Variants in PDE7B observed in about 807,000 individuals in gnomAD.
The protein encoded by PDE7B is 3',5'-cyclic-AMP phosphodiesterase 7B.
A neutral mutation model predicts 56.2 loss-of-function variants in PDE7B; 29 were observed. The ratio of observed to expected loss-of-function variants is 0.52; its 90% CI spans 0.38 to 0.70. The LOEUF is 0.70. Among genes scored for constraint, PDE7B ranks in the 30% least tolerant of loss-of-function variants. The pLI is 0.00. For synonymous variants in PDE7B, 197 were observed against 196.9 expected, an observed-to-expected ratio of 1.00 and a Z score of 0.00; for missense variants, 490 against 565.0, an observed-to-expected ratio of 0.87 and a Z score of 1.35.
chr6:136,037,804 AC>A (rs1421576868), intron 2 of PDE7B: 1 of 985,324 alleles, frequency 1.0e-6, no homozygotes, highest in African/African-American at 1.7e-5. Context: ...GAGTCAACAA[AC>A]TTTGACAAGC....
intron 1 of PDE7B, among the ~76,000 whole-genome samples, chr6:135,932,697 A>G (rs1360921039): frequency 6.6e-6 from 1 of 152,240 alleles, no homozygotes; most frequent in African/African-American, 2.4e-5. Context: ...ACAAGGAAGC[A>G]GGTTCAGAAA....
Position 135,987,996 on chromosome 6 carries a change from C to T in PDE7B, c.82+40472C>T, listed in dbSNP as rs958498976. ...ATGCCTATCACATTTGTGAATTACA[C>T]AGAGCCCCAAGGGAGACTATGCCCT... On this transcript the variant is annotated intron_variant, in intron 2 of 12. Coordinates refer to ENST00000308191, the MANE Select transcript of PDE7B (RefSeq NM_018945.4). Among the ~76,000 whole-genome samples, 39 of 152,298 alleles carry T rather than the reference C, an allele frequency of 2.6e-4. 1 individual carries two copies. The highest frequency in any genetic ancestry group is 8.5e-4 in the Admixed American group (13 of 15,296).
At chr6:136,044,649 T>C (rs1053279301) in intron 2 of PDE7B, 2 of 152,236 alleles carry the variant, frequency 1.3e-5, no homozygotes, top group African/African-American at 4.8e-5. Flanking sequence ...AATCTACTGA[T>C]AATTACAAAA....
rs145587799 is a variant in PDE7B at position 136,130,707 on chromosome 6, G to A, written c.167-16644G>A. 5.3e-5 allele frequency among the ~76,000 whole-genome samples: 8 copies of A among 152,172 alleles called. No homozygotes were observed. In the East Asian group the frequency reaches 9.7e-4, roughly 18 times the overall value. On this transcript the variant is annotated intron_variant, in intron 3 of 12. Coordinates refer to ENST00000308191, the MANE Select transcript of PDE7B (RefSeq NM_018945.4). ...CACTTAAATCTTCTTGTATGAGTCC[G>A]TTTTCATGCTACTGATAAAGACATA...
chr6:135,914,448 T>C (rs1776261866), intron 1 of PDE7B, among the ~76,000 whole-genome samples: 1 of 150,112 alleles, frequency 6.7e-6, no homozygotes, highest in South Asian at 2.1e-4. Flanking sequence ...ATACAGCAGA[T>C]AGCTTTTTGG....
chr6:135,867,836 G>A (rs1775292817), intron 1 of PDE7B, among the ~76,000 whole-genome samples: 1 of 152,136 alleles, frequency 6.6e-6, no homozygotes, highest in Admixed American at 6.5e-5. Flanking sequence ...TCACAAACTG[G>A]AGCTGCAGAA....
At chr6:136,081,993 G>A (rs1408229186) in intron 2 of PDE7B, among the ~76,000 whole-genome samples, 1 of 152,212 alleles carries the variant, frequency 6.6e-6, no homozygotes, top group Non-Finnish European at 1.5e-5. Flanking sequence ...CACTGAGTCA[G>A]TCAGGGTAGG....
intron 3 of PDE7B, among the ~76,000 whole-genome samples, chr6:136,122,796 CA>C (rs1165260938): frequency 8.5e-5 from 13 of 152,138 alleles, no homozygotes; most frequent in African/African-American, 3.1e-4. Flanking sequence ...TAGAGAGGTT[CA>C]GTAGCTGTAT....
chr6:136,010,045 A>C (rs1775863865), intron 2 of PDE7B, among the ~76,000 whole-genome samples: 1 of 152,066 alleles, frequency 6.6e-6, no homozygotes, highest in South Asian at 2.1e-4. Context: ...TTAGGTTGTT[A>C]ATTTGAGATC....
At chr6:135,913,699 G>C (rs1776249362) in intron 1 of PDE7B, among the ~76,000 whole-genome samples, 1 of 152,074 alleles carries the variant, frequency 6.6e-6, no homozygotes, top group South Asian at 2.1e-4. Context: ...AAACAATTAT[G>C]CTTTCTTTAA....
chr6:135,885,647 AAAAC>A (rs551558089), intron 1 of PDE7B, among the ~76,000 whole-genome samples: 83 of 152,216 alleles, frequency 5.5e-4, no homozygotes, highest in Non-Finnish European at 8.8e-4. Flanking sequence ...GAAGAAGAGG[AAAAC>A]AAACAAACAA....
chr6:135,987,206 T>A (rs1027900125), intron 2 of PDE7B, among the ~76,000 whole-genome samples: 3 of 152,042 alleles, frequency 2.0e-5, no homozygotes, highest in Non-Finnish European at 4.4e-5. Flanking sequence ...AGAACAGAAT[T>A]TGGCACTTTT....
intron 2 of PDE7B, among the ~76,000 whole-genome samples, chr6:136,006,486 T>C (rs1775786373): frequency 6.6e-6 from 1 of 152,224 alleles, no homozygotes; most frequent in Non-Finnish European, 1.5e-5. Context: ...ATATTGAATT[T>C]GTAAATTTCT....
intron 2 of PDE7B, among the ~76,000 whole-genome samples, chr6:136,055,305 T>C (rs1347222351): frequency 6.6e-6 from 1 of 152,258 alleles, no homozygotes; most frequent in East Asian, 1.9e-4. Context: ...ACTTCTGTGC[T>C]GTAAAACATG....
chr6:136,081,911 G>A (rs924913402), intron 2 of PDE7B, among the ~76,000 whole-genome samples: 7 of 152,186 alleles, frequency 4.6e-5, no homozygotes, highest in Admixed American at 4.6e-4. Context: ...TCAAACTAGA[G>A]CGTAAATAGG....
chr6:136,166,679 C>A (rs574596731), intron 8 of PDE7B, among the ~76,000 whole-genome samples: 1 of 152,126 alleles, frequency 6.6e-6, no homozygotes, highest in Non-Finnish European at 1.5e-5. Context: ...AAACCACACT[C>A]ATAATCCAAT....
intron 1 of PDE7B, among the ~76,000 whole-genome samples, chr6:135,905,348 ATGTGTG>A (rs71682918): frequency 0.028 from 4,112 of 147,982 alleles, 107 homozygotes; most frequent in African/African-American, 0.066. Context: ...GTGTGTGTGT[ATGTGTG>A]TGTGTGTGTG....
At chr6:136,165,129 A>G (rs538234728) in intron 8 of PDE7B, among the ~76,000 whole-genome samples, 13 of 152,322 alleles carry the variant, frequency 8.5e-5, no homozygotes, top group African/African-American at 1.9e-4. Context: ...CCAGTGAACA[A>G]AGTTGTTATA....
intron 8 of PDE7B, among the ~76,000 whole-genome samples, chr6:136,157,221 G>A (rs892884124): frequency 7.2e-5 from 11 of 152,182 alleles, no homozygotes; most frequent in South Asian, 2.1e-4. Context: ...ATCACCTACC[G>A]TGTACCAGAA....
Sources: gnomAD v4.1 joint callset for allele counts (sites outside exome capture counted in the v4.1 genomes callset) on GRCh38, gnomAD v4.1.1 for gene constraint, MANE v1.5 for transcripts, NCBI Gene and HGNC (gene_info 2026-07-23, HGNC 2026-07-21) for gene names.